Variants in POGZ observed in about 807,000 individuals in gnomAD.
POGZ encodes the protein pogo transposable element with ZNF domain.
Under a neutral mutation model 134.6 loss-of-function variants are expected in POGZ, and 17 were observed. The observed-to-expected ratio is 0.13, with a 90% CI of 0.09 to 0.19. The LOEUF (loss-of-function observed/expected upper bound fraction) is 0.19. Among genes scored for constraint, POGZ ranks in the 10% least tolerant of loss-of-function variants. The probability of loss-of-function intolerance (pLI) is 1.00; values close to 1 mark genes in which losing one functional copy is unlikely to be tolerated. For missense variants in POGZ, 1,306 were observed against 1,769.7 expected (o/e 0.74, Z 4.70); for synonymous variants, 693 against 657.1 (o/e 1.05, Z -0.84).
chr1:151,429,273 G>C (rs1658304644), intron 5 of POGZ: 1 of 160,120 alleles, frequency 6.2e-6, no homozygotes, highest in African/African-American at 2.4e-5. Flanking sequence ...CCGTGCAAAT[G>C]AGGAGATGTG....
Position 151,424,070 on chromosome 1 carries a change from G to A in POGZ, c.1402C>T (p.Leu468Phe), listed in dbSNP as rs779272946. 4 of 1,614,108 alleles carry A rather than the reference G, an allele frequency of 2.5e-6. No individual in the cohort carries two copies. The Admixed American group carries it at 6.7e-5, about 27-fold the overall frequency. Residue 468 changes from leucine to phenylalanine, a missense_variant, in exon 9 of 19, where the codon CTT becomes TTT. By Grantham distance (22) the Leu-to-Phe change is conservative (BLOSUM62 0). Transcript: ENST00000271715. ...CGTCCATAGTAGAAGTCATCTACAA[G>A]CATAATGAGTTTGGTCTGGACGGCA... is the stretch of plus-strand genomic sequence containing the variant. ...GDAVQTKLIMLVDDFYYGRDG... is the reference protein window; with the variant it reads ...GDAVQTKLIMFVDDFYYGRDG...
intron 1 of POGZ, among the ~76,000 whole-genome samples, chr1:151,443,319 C>T (rs1327006728): frequency 6.6e-6 from 1 of 152,130 alleles, no homozygotes; most frequent in Non-Finnish European, 1.5e-5. Context: ...TACGTCTAGT[C>T]TAGGAAATCC....
chr1:151,443,565 T>C (rs1013051002), intron 1 of POGZ, among the ~76,000 whole-genome samples: 2 of 151,962 alleles, frequency 1.3e-5, no homozygotes, highest in Non-Finnish European at 2.9e-5. Flanking sequence ...AAACATAAAA[T>C]TAGCCGGGCG....
chr1:151,409,248 T>G (rs1654223919), intron 12 of POGZ, among the ~76,000 whole-genome samples: 1 of 152,242 alleles, frequency 6.6e-6, no homozygotes, highest in Admixed American at 6.5e-5. Context: ...CTTCCAACTT[T>G]GCTTTCAACT....
At chr1:151,406,577 A>C (rs750606912) in intron 18 of POGZ, 30 bp downstream of exon 18, 1 of 1,605,918 alleles carries the variant, frequency 6.2e-7, no homozygotes, top group South Asian at 1.1e-5. Context: ...TGCAAACCAG[A>C]AATTAAATTG....
chr1:151,440,810 T>C, intron 3 of POGZ, 118 bp downstream of exon 3: 1 of 764,870 alleles, frequency 1.3e-6, no homozygotes. Flanking sequence ...CTAAATTCAT[T>C]TTCCAACTAG....
At chr1:151,428,470 T>A (rs1658141297) in intron 5 of POGZ, 57 bp from the exon 6 acceptor site, 1 of 1,431,272 alleles carries the variant, frequency 7.0e-7, no homozygotes, top group Non-Finnish European at 9.8e-7. Flanking sequence ...TATAACACAT[T>A]CTCCCTGCCT....
At chr1:151,439,542 C>T (rs1443020842) in intron 3 of POGZ, among the ~76,000 whole-genome samples, 2 of 152,222 alleles carry the variant, frequency 1.3e-5, no homozygotes, top group African/African-American at 2.4e-5. Flanking sequence ...AATCTCACCT[C>T]TAAGACTTTA....
At chr1:151,443,488 T>G (rs2102377827) in intron 1 of POGZ, among the ~76,000 whole-genome samples, 1 of 152,148 alleles carries the variant, frequency 6.6e-6, no homozygotes, top group South Asian at 2.1e-4. Context: ...TCACCTGAGG[T>G]CGGATCACCT....
intron 1 of POGZ, among the ~76,000 whole-genome samples, chr1:151,452,491 C>G (rs895860606): frequency 2.6e-5 from 4 of 151,944 alleles, no homozygotes; most frequent in African/African-American, 9.7e-5. Flanking sequence ...GTTGTCACTA[C>G]AGGTGGGCTA....
intron 9 of POGZ, 99 bp downstream of exon 9, chr1:151,423,850 G>GTAGT: frequency 2.3e-6 from 2 of 873,344 alleles, no homozygotes; most frequent in Admixed American, 5.4e-5. Flanking sequence ...AGACTGCATA[G>GTAGT]TAGTTAGGTC....
At chr1:151,457,823 A>C (rs2102446367) in intron 1 of POGZ, among the ~76,000 whole-genome samples, 1 of 152,118 alleles carries the variant, frequency 6.6e-6, no homozygotes, top group Non-Finnish European at 1.5e-5. Context: ...GCTACTAGGA[A>C]GGCTGAGGCA....
intron 3 of POGZ, among the ~76,000 whole-genome samples, chr1:151,437,042 A>G (rs1659702161): frequency 6.6e-6 from 1 of 152,030 alleles, no homozygotes; most frequent in Admixed American, 6.6e-5. Flanking sequence ...AAAAATACAA[A>G]AGTTAGCCGG....
chr1:151,405,161 A>G lies in POGZ; in HGVS notation c.3874T>C (p.Cys1292Arg). 6.2e-7 allele frequency: 1 copy of G among 1,614,182 alleles called. No homozygotes were observed. The change falls in exon 19 of 19, where the codon TGT becomes CGT. Residue 1292 changes from cysteine to arginine, a missense_variant. Transcript: ENST00000271715. This position sits in a 1 kb window ranked among gnomAD's most constrained non-coding sequence, Gnocchi z 4.9. ...EQAREMADTA[C>R]DSDVLLQLVL... ...AGCTGAAGCAGGACATCAGAATCACATGCAGTATCTGCCATTTCCCGAGCC... is the reference window on the plus strand; with the variant it reads ...AGCTGAAGCAGGACATCAGAATCACGTGCAGTATCTGCCATTTCCCGAGCC...
Position 151,458,886 on chromosome 1 carries a change from G to C in POGZ, c.-2+266C>G, listed in dbSNP as rs991208528. 2.1e-4 allele frequency among the ~76,000 whole-genome samples: 30 copies of C among 143,336 alleles called. 1 individual carries two copies. The East Asian group carries it at 3.8e-3, about 18-fold the overall frequency. The allele number at this position is 143,336 out of a possible 152,430, so 94.0% of individuals were successfully genotyped here. A position where few individuals can be genotyped will look rare whatever the true frequency, so the allele number is the denominator to read the frequency against. Reference sequence around the variant, plus strand: ...CCGGCAGGCAGGGACCTCCGCCGCCGGCCCTTCGCGCGGCTCCCGCGGCCC... The same window carrying C: ...CCGGCAGGCAGGGACCTCCGCCGCCCGCCCTTCGCGCGGCTCCCGCGGCCC... On this transcript the variant is annotated intron_variant, in intron 1 of 18. Transcript: ENST00000271715.
intron 1 of POGZ, among the ~76,000 whole-genome samples, chr1:151,456,806 G>A (rs1315004963): frequency 6.6e-6 from 1 of 152,066 alleles, no homozygotes; most frequent in Admixed American, 6.6e-5. Context: ...TACAACCAGG[G>A]AGGAAGAGAT....
chr1:151,424,736 C>CT lies in POGZ; in HGVS notation c.1185+218dup, dbSNP rs1260269951. Among the ~76,000 whole-genome samples the CT allele has an allele frequency of 9.2e-5, 14 of 152,292 alleles. No homozygotes were observed. In the South Asian group the frequency reaches 1.5e-3, roughly 16 times the overall value. On this transcript the variant is annotated intron_variant, in intron 8 of 18. Transcript: ENST00000271715. ...CTGTGTGGTTTCAAAATCTACCACA[C>CT]TAAGAAAGTAAGATCACATATGTTC...
At chr1:151,416,459 G>A (rs958938677) in intron 10 of POGZ, among the ~76,000 whole-genome samples, 5 of 152,004 alleles carry the variant, frequency 3.3e-5, no homozygotes, top group East Asian at 1.9e-4. Flanking sequence ...CTGTGATTGC[G>A]TCACTGCATT....
chr1:151,412,273 C>T (rs893890148), intron 11 of POGZ, 23 bp downstream of exon 11: 3 of 1,333,880 alleles, frequency 2.2e-6, no homozygotes. Context: ...ACTGCTAAAA[C>T]TCCCTGGAGA....
Sources: gnomAD v4.1 joint callset for allele counts (sites outside exome capture counted in the v4.1 genomes callset) on GRCh38, gnomAD v4.1.1 for gene constraint, Gnocchi (gnomAD v3.1) non-coding constraint, MANE v1.5 for transcripts, NCBI Gene and HGNC (gene_info 2026-07-23, HGNC 2026-07-21) for gene names.